WDR49: variants seen among roughly 807,000 people sequenced by gnomAD.
The protein encoded by WDR49 is WD repeat domain 49, also known as cilia- and flagella-associated protein 337.
Under a neutral mutation model 119.5 loss-of-function variants are expected in WDR49, and 107 were observed. The ratio of observed to expected loss-of-function variants is 0.90; its 90% CI spans 0.77 to 1.05. The LOEUF is 1.05. Ranked by LOEUF, WDR49 falls within the 50% of genes least tolerant of loss-of-function variation. The pLI, the probability that WDR49 is intolerant of heterozygous loss-of-function variation, is 0.00. For missense variants in WDR49, 1,240 were observed against 1,220.5 expected, an observed-to-expected ratio of 1.02 and a Z score of -0.24; for synonymous variants, 425 against 418.8, an observed-to-expected ratio of 1.01 and a Z score of -0.18.
intron 6 of WDR49, among the ~76,000 whole-genome samples, chr3:167,602,729 T>G (rs914889218): frequency 3.3e-5 from 5 of 152,074 alleles, no homozygotes; most frequent in African/African-American, 1.2e-4. Context: ...AAAAGACAAA[T>G]TATCAAGTAA....
At chr3:167,642,554 T>C (rs1422135880) in intron 2 of WDR49, among the ~76,000 whole-genome samples, 1 of 151,980 alleles carries the variant, frequency 6.6e-6, no homozygotes, top group Non-Finnish European at 1.5e-5. Flanking sequence ...TAAAAATATG[T>C]ATAGATCAAT....
chr3:167,653,575 G>T (rs191348560), intron 1 of WDR49, 76 bp from the exon 2 acceptor site: 2 of 884,410 alleles, frequency 2.3e-6, no homozygotes, highest in Admixed American at 7.0e-5. Context: ...CGATCAGGAG[G>T]CAAAATGTTC....
intron 16 of WDR49, among the ~76,000 whole-genome samples, chr3:167,519,314 T>C (rs939741106): frequency 5.3e-5 from 8 of 152,098 alleles, no homozygotes; most frequent in African/African-American, 1.9e-4. Flanking sequence ...TATAAATCAT[T>C]CTGTTATAAA....
intron 10 of WDR49, among the ~76,000 whole-genome samples, chr3:167,548,621 T>C (rs2108260509): frequency 6.6e-6 from 1 of 152,152 alleles, no homozygotes; most frequent in African/African-American, 2.4e-5. Flanking sequence ...TCAGGTATGA[T>C]ACCAGCATCT....
chr3:167,553,923 TAGGTATAAA>T (rs1467875235), intron 10 of WDR49, among the ~76,000 whole-genome samples: 2 of 152,160 alleles, frequency 1.3e-5, no homozygotes, highest in Non-Finnish European at 2.9e-5. Context: ...GCTGGTTTTC[TAGGTATAAA>T]ATCTGATTTA....
chr3:167,627,909 A>AT (rs1468766504), intron 2 of WDR49, among the ~76,000 whole-genome samples: 2 of 151,988 alleles, frequency 1.3e-5, no homozygotes, highest in African/African-American at 4.8e-5. Flanking sequence ...TATCAGTGCC[A>AT]TTTTTTCAAT....
chr3:167,621,273 A>C (rs1716855390), intron 4 of WDR49, among the ~76,000 whole-genome samples, 194 bp downstream of exon 4: 1 of 152,144 alleles, frequency 6.6e-6, no homozygotes, highest in Non-Finnish European at 1.5e-5. Flanking sequence ...ACAAACCCCC[A>C]CACACAATTA....
intron 7 of WDR49, among the ~76,000 whole-genome samples, chr3:167,600,679 A>G (rs1183084410): frequency 1.3e-5 from 2 of 152,188 alleles, no homozygotes; most frequent in Admixed American, 6.5e-5. Flanking sequence ...GAGACACACA[A>G]ATGCAACAGG....
intron 8 of WDR49, among the ~76,000 whole-genome samples, chr3:167,564,619 C>T (rs1371856621): frequency 6.6e-6 from 1 of 152,178 alleles, no homozygotes; most frequent in Non-Finnish European, 1.5e-5. Flanking sequence ...GGGGCCCTGA[C>T]AGTCTGCAGA....
At chr3:167,492,993 GCT>G (rs1275508309) in intron 18 of WDR49, among the ~76,000 whole-genome samples, 4 of 152,126 alleles carry the variant, frequency 2.6e-5, no homozygotes, top group Non-Finnish European at 5.9e-5. Flanking sequence ...TTTGATGCCT[GCT>G]CTGTGCTGAC....
Position 167,602,217 on chromosome 3 carries a change from T to C in WDR49, c.1185A>G (p.Pro395=), listed in dbSNP as rs1265420743. ...CLWNPYVVSK[P]VGVLWGHSAS... Reference sequence around the variant, plus strand: ...CTGAGTGGCCCCAAAGGACACCCACTGGTTTAGAGACAACATAGGGATTCC... The same window carrying C: ...CTGAGTGGCCCCAAAGGACACCCACCGGTTTAGAGACAACATAGGGATTCC... The change falls in exon 7 of 19, where the codon CCA becomes CCG. Residue 395 remains proline, a synonymous_variant. Transcript: ENST00000682715. 3.7e-6 allele frequency: 6 copies of C among 1,605,486 alleles called. No homozygotes were observed. The South Asian group carries it at 4.4e-5, about 12-fold the overall frequency.
rs926867278 is a variant in WDR49, at chr3:167,624,472, T to C, written c.606+2380A>G. 2.0e-5 allele frequency among the ~76,000 whole-genome samples: 3 copies of C among 151,874 alleles called. No homozygotes were observed. In the East Asian group the frequency reaches 5.8e-4, roughly 29 times the overall value. On this transcript the variant is annotated intron_variant, in intron 3 of 18. Coordinates refer to ENST00000682715, the MANE Select transcript of WDR49 (RefSeq NM_001366157.1). ...AGTGCTTGCTTAACATAAAAAGGGATTGTGGGAGTTACAAAACACTGCTAG... is the reference window on the plus strand; with the variant it reads ...AGTGCTTGCTTAACATAAAAAGGGACTGTGGGAGTTACAAAACACTGCTAG...
chr3:167,613,357 C>G (rs1384570230), intron 5 of WDR49, among the ~76,000 whole-genome samples: 2 of 152,174 alleles, frequency 1.3e-5, no homozygotes, highest in Admixed American at 6.5e-5. Context: ...GAATCTTATT[C>G]TTCTACCATG....
At chr3:167,575,517 C>G (rs1416786305) in intron 8 of WDR49, among the ~76,000 whole-genome samples, 2 of 152,190 alleles carry the variant, frequency 1.3e-5, no homozygotes, top group Non-Finnish European at 2.9e-5. Context: ...CAAAATGGAT[C>G]TCTGCTAATT....
At chr3:167,569,343 C>T (rs1160012378) in intron 8 of WDR49, among the ~76,000 whole-genome samples, 1 of 152,206 alleles carries the variant, frequency 6.6e-6, no homozygotes. Context: ...AGTTTTGATA[C>T]ATTTTAACTT....
intron 16 of WDR49, among the ~76,000 whole-genome samples, chr3:167,510,169 G>A (rs144445288): frequency 0.015 from 2,321 of 152,234 alleles, 55 homozygotes; most frequent in African/African-American, 0.053. Context: ...CAGATCACGA[G>A]GTCAGGAGTT....
chr3:167,608,069 T>C (rs529225035), intron 5 of WDR49, among the ~76,000 whole-genome samples: 224 of 152,218 alleles, frequency 1.5e-3, no homozygotes, highest in Middle Eastern at 6.8e-3. Context: ...TTCAGGAACA[T>C]AAAGTCCCAT....
intron 16 of WDR49, among the ~76,000 whole-genome samples, chr3:167,518,106 G>A (rs1752290174): frequency 6.6e-6 from 1 of 151,876 alleles, no homozygotes; most frequent in Admixed American, 6.6e-5. Flanking sequence ...GTGTATATGT[G>A]CCACATTTTC....
At chr3:167,574,393 A>G (rs1366082320) in intron 8 of WDR49, among the ~76,000 whole-genome samples, 1 of 152,240 alleles carries the variant, frequency 6.6e-6, no homozygotes, top group Non-Finnish European at 1.5e-5. Flanking sequence ...TTTTATAATT[A>G]TAAATGTAAC....
Sources: gnomAD v4.1 joint callset for allele counts (sites outside exome capture counted in the v4.1 genomes callset) on GRCh38, gnomAD v4.1.1 for gene constraint, MANE v1.5 for transcripts, NCBI Gene and HGNC (gene_info 2026-07-23, HGNC 2026-07-21) for gene names.